ZFAND3: variants seen among roughly 807,000 people sequenced by gnomAD.
The protein encoded by ZFAND3 is zinc finger AN1-type containing 3, also known as AN1-type zinc finger protein 3.
A neutral mutation model predicts 29.6 loss-of-function variants in ZFAND3; 10 were observed. That is an observed-to-expected ratio of 0.34 (90% CI 0.21 to 0.57). The LOEUF (loss-of-function observed/expected upper bound fraction) is 0.57, where lower values mean the gene tolerates loss of function less well. ZFAND3 is among the 20% of genes least tolerant of loss of function. ZFAND3 has a pLI of 0.86. For synonymous variants in ZFAND3, 128 were observed against 112.6 expected, an observed-to-expected ratio of 1.14 and a Z score of -0.87; for missense variants, 230 against 304.5, an observed-to-expected ratio of 0.76 and a Z score of 1.82.
At chr6:37,850,932 C>G (rs1457339883) in intron 1 of ZFAND3, among the ~76,000 whole-genome samples, 1 of 151,774 alleles carries the variant, frequency 6.6e-6, no homozygotes, top group Non-Finnish European at 1.5e-5. Flanking sequence ...TGTTTCCCAC[C>G]CCATTAGTCA....
intron 4 of ZFAND3, among the ~76,000 whole-genome samples, chr6:38,104,428 T>TC (rs1309939464): frequency 6.6e-6 from 1 of 151,658 alleles, no homozygotes; most frequent in Non-Finnish European, 1.5e-5. Flanking sequence ...ACCTAGGTTT[T>TC]CTTGTGCTAA....
chr6:37,965,464 A>T (rs561432981), intron 2 of ZFAND3, among the ~76,000 whole-genome samples: 1 of 152,252 alleles, frequency 6.6e-6, no homozygotes, highest in Admixed American at 6.5e-5. Context: ...GGGAGTTCAT[A>T]TATCCATTTC....
intron 1 of ZFAND3, among the ~76,000 whole-genome samples, chr6:37,904,446 A>G (rs7748583): frequency 6.6e-6 from 1 of 152,166 alleles, no homozygotes; most frequent in African/African-American, 2.4e-5. Context: ...CTACCAATTC[A>G]TTGGAACTTC....
intron 5 of ZFAND3, among the ~76,000 whole-genome samples, chr6:38,146,530 G>A (rs533046609): frequency 6.6e-6 from 1 of 152,338 alleles, no homozygotes; most frequent in African/African-American, 2.4e-5. Flanking sequence ...ATTTTGTACA[G>A]ATTTACTGAA....
intron 2 of ZFAND3, among the ~76,000 whole-genome samples, chr6:38,030,808 G>T (rs1581853742): frequency 6.6e-6 from 1 of 152,192 alleles, no homozygotes; most frequent in East Asian, 1.9e-4. Flanking sequence ...GGGGGTAAGG[G>T]GATGCCAGAC....
At position 38,141,070 on chromosome 6, in the gene ZFAND3, G is replaced by A. The variant is rs1040681327; in HGVS notation, c.530-11165G>A. ...TTGCAGTTCAGATTTTGTGGAAACG[G>A]GGCAAAAGCATGCTTGTACTTCTAA... On this transcript the variant is annotated intron_variant, in intron 5 of 5. Transcript: ENST00000287218. Among the ~76,000 whole-genome samples, 7 of 150,506 alleles carry A rather than the reference G, an allele frequency of 4.7e-5. No homozygotes were observed. In the Admixed American group the frequency reaches 4.7e-4, roughly 10 times the overall value.
At chr6:37,828,885 C>G (rs907142168) in intron 1 of ZFAND3, among the ~76,000 whole-genome samples, 3 of 151,974 alleles carry the variant, frequency 2.0e-5, no homozygotes, top group African/African-American at 4.8e-5. Flanking sequence ...CTCCTTACCT[C>G]GTGATCCGCC....
chr6:37,876,656 A>T (rs1764798681), intron 1 of ZFAND3, among the ~76,000 whole-genome samples: 1 of 152,198 alleles, frequency 6.6e-6, no homozygotes, highest in Non-Finnish European at 1.5e-5. Context: ...GTACTCTAAG[A>T]ATTTGTAAAG....
intron 1 of ZFAND3, among the ~76,000 whole-genome samples, chr6:37,823,646 TGTATG>T (rs1224910278): frequency 2.0e-5 from 3 of 152,236 alleles, no homozygotes; most frequent in Non-Finnish European, 4.4e-5. Flanking sequence ...CCTCTTGGCT[TGTATG>T]GTATAAATTG....
At chr6:37,911,433 A>G (rs989868259) in intron 1 of ZFAND3, among the ~76,000 whole-genome samples, 4 of 152,126 alleles carry the variant, frequency 2.6e-5, no homozygotes, top group Admixed American at 6.6e-5. Context: ...TATATTTTAG[A>G]TGTTAAAGAA....
intron 2 of ZFAND3, among the ~76,000 whole-genome samples, chr6:37,937,940 T>G (rs1761734187): frequency 6.6e-6 from 1 of 152,178 alleles, no homozygotes; most frequent in Non-Finnish European, 1.5e-5. Flanking sequence ...ATTCAGAATA[T>G]CCACAAACCC....
At chr6:37,960,925 A>T (rs928719051) in intron 2 of ZFAND3, among the ~76,000 whole-genome samples, 2 of 148,284 alleles carry the variant, frequency 1.3e-5, no homozygotes, top group Non-Finnish European at 3.0e-5. Context: ...ACCAAAAATT[A>T]AAAAAAAAAA....
intron 4 of ZFAND3, among the ~76,000 whole-genome samples, chr6:38,094,993 A>G (rs1764948286): frequency 6.6e-6 from 1 of 152,194 alleles, no homozygotes; most frequent in South Asian, 2.1e-4. Flanking sequence ...AGATTTGAGG[A>G]TTAGGGATAC....
chr6:38,044,908 A>G (rs907539581), intron 2 of ZFAND3, among the ~76,000 whole-genome samples: 3 of 151,998 alleles, frequency 2.0e-5, no homozygotes, highest in East Asian at 3.9e-4. Flanking sequence ...CTTTTGTTGT[A>G]TTGTAGCTAG....
chr6:38,009,644 A>G (rs1211409913), intron 2 of ZFAND3, among the ~76,000 whole-genome samples: 1 of 152,146 alleles, frequency 6.6e-6, no homozygotes, highest in African/African-American at 2.4e-5. Flanking sequence ...GGTTTAATTT[A>G]TATTGAAGGA....
intron 4 of ZFAND3, among the ~76,000 whole-genome samples, chr6:38,112,710 C>A (rs1321961965): frequency 6.6e-6 from 1 of 152,120 alleles, no homozygotes; most frequent in East Asian, 1.9e-4. Flanking sequence ...ATAAAACTTA[C>A]AAATGAATAG....
At chr6:37,862,599 C>G (rs1395185567) in intron 1 of ZFAND3, among the ~76,000 whole-genome samples, 1 of 151,482 alleles carries the variant, frequency 6.6e-6, no homozygotes, top group Non-Finnish European at 1.5e-5. Flanking sequence ...TGGGCGGGCT[C>G]ACTTGAGCTC....
chr6:38,041,638 T>TTCTTCTTCTTCTTCTTCC (rs1561976627), intron 2 of ZFAND3, among the ~76,000 whole-genome samples: 35 of 12,102 alleles, frequency 2.9e-3, no homozygotes, highest in East Asian at 0.015. Flanking sequence ...CTTTTTCTTC[T>TTCTTCTTCTTCTTCTTCC]TCTTCTTCTT....
At chr6:38,091,690 C>G (rs774021997) in intron 4 of ZFAND3, among the ~76,000 whole-genome samples, 236 of 101,052 alleles carry the variant, frequency 2.3e-3, no homozygotes, top group Non-Finnish European at 4.3e-3. Context: ...CATTAAGGAG[C>G]CTTTTTTTTT....
Sources: gnomAD v4.1 joint callset for allele counts (sites outside exome capture counted in the v4.1 genomes callset) on GRCh38, gnomAD v4.1.1 for gene constraint, MANE v1.5 for transcripts, NCBI Gene and HGNC (gene_info 2026-07-23, HGNC 2026-07-21) for gene names.